The following ZNF449 variants were observed in gnomAD, a reference collection of about 807,000 sequenced individuals.
ZNF449 encodes the protein zinc finger protein 449.
A neutral mutation model predicts 32.6 loss-of-function variants in ZNF449; 4 were observed. The observed-to-expected ratio is 0.12, with a 90% confidence interval of 0.06 to 0.28. The LOEUF is 0.28. Ranked by LOEUF, ZNF449 falls within the 10% of genes least tolerant of loss-of-function variation. The pLI is 1.00. For missense variants in ZNF449, 275 were observed against 383.2 expected, an observed-to-expected ratio of 0.72 and a Z score of 2.36; for synonymous variants, 123 against 132.2, an observed-to-expected ratio of 0.93 and a Z score of 0.48.
At chrX:135,347,834 T>A (rs1556448962) in intron 2 of ZNF449, 1 of 407,282 alleles carries the variant, frequency 2.5e-6, no homozygotes, top group Non-Finnish European at 4.1e-6. Context: ...ATGGTTTTTT[T>A]ATCTTGTTGA....
intron 3 of ZNF449, among the ~76,000 whole-genome samples, chrX:135,350,036 C>T (rs1234762894): frequency 1.6e-4 from 17 of 105,688 alleles, no homozygotes; most frequent in Non-Finnish European, 2.9e-4. Flanking sequence ...GACGGGAGTC[C>T]TGCTCTGTCG....
chrX:135,353,460 A>T (rs1484031330), intron 3 of ZNF449, among the ~76,000 whole-genome samples: 4 of 111,380 alleles, frequency 3.6e-5, no homozygotes, highest in Non-Finnish European at 7.6e-5. Flanking sequence ...TCCTAAGTAA[A>T]ATTTCTTCAC....
At chrX:135,346,609 G>A (rs1256806260) in intron 1 of ZNF449, among the ~76,000 whole-genome samples, 1 of 112,045 alleles carries the variant, frequency 8.9e-6, no homozygotes, top group Non-Finnish European at 1.9e-5. Context: ...CTTAGCCTGG[G>A]ACCATGGAAT....
intron 3 of ZNF449, among the ~76,000 whole-genome samples, chrX:135,354,713 C>T (rs1215931638): frequency 9.0e-6 from 1 of 111,432 alleles, no homozygotes; most frequent in Non-Finnish European, 1.9e-5. Context: ...AGCAAAAGTA[C>T]TCAAACCTCT....
At chrX:135,350,644 C>A (rs2084880869) in intron 3 of ZNF449, among the ~76,000 whole-genome samples, 1 of 111,980 alleles carries the variant, frequency 8.9e-6, no homozygotes, top group Non-Finnish European at 1.9e-5. Flanking sequence ...TTCAGTAGCA[C>A]ACAAGGTTGG....
chrX:135,349,268 G>A lies in ZNF449; in HGVS notation c.513G>A (p.Glu171=), dbSNP rs2084870217. The change falls in exon 3 of 5, where the codon GAG becomes GAA. Residue 171 remains glutamate (E), a synonymous_variant. Transcript: ENST00000339249. ...GGATCCCACAGGCAGGGCCACCGGA[G>A]CTGAACTATGGTGCTACTGGAGAAT... is the stretch of plus-strand genomic sequence containing the variant. The part of the protein sequence containing the change: ...EAWIPQAGPP[E]LNYGATGECQ... 1 of 1,210,124 alleles carries A rather than the reference G, an allele frequency of 8.3e-7. No homozygotes were observed. The highest frequency in any genetic ancestry group is 2.2e-5 in the Admixed American group (1 of 45,820).
chrX:135,346,954 C>T, intron 1 of ZNF449, 65 bp from the exon 2 acceptor site: 1 of 390,547 alleles, frequency 2.6e-6, no homozygotes, highest in Non-Finnish European at 4.3e-6. Flanking sequence ...AAGAAGTTGA[C>T]CGAGGTAAGT....
In ZNF449 at chrX:135,360,568, C is replaced by T; in HGVS notation, c.1049C>T (p.Pro350Leu). 8.3e-7 allele frequency: 1 copy of T among 1,211,729 alleles called. No individual in the cohort carries two copies. ...GHQRIHSGEE[P>L]HKCPECGKRF... Reference sequence around the variant, plus strand: ...CAGAGAATTCATTCAGGAGAAGAACCTCACAAATGCCCTGAATGTGGGAAA... The same window carrying T: ...CAGAGAATTCATTCAGGAGAAGAACTTCACAAATGCCCTGAATGTGGGAAA... Residue 350 changes from proline to leucine, a missense_variant, in exon 5 of 5, where the codon CCT (proline) becomes CTT (leucine). Around this residue, in one of 3 missense-constraint regions of ZNF449, gnomAD observed 80 missense variants for 146.6 expected, o/e 0.55. Transcript: ENST00000339249.
chrX:135,351,795 G>A (rs1324073886), intron 3 of ZNF449, among the ~76,000 whole-genome samples: 1 of 109,667 alleles, frequency 9.1e-6, no homozygotes, highest in African/African-American at 3.3e-5. Flanking sequence ...ATGTTAATTC[G>A]CTCCTTTTGT....
At position 135,362,627 on chromosome X, in the gene ZNF449, T is replaced by G. The variant is rs1411333462; in HGVS notation, c.*1551T>G. ...CTTTATGAAGATGTTCAGTCATCCT[T>G]TCCTTGAACTACAATTAGGAAAAGT... On this transcript the variant is annotated 3_prime_UTR_variant, in exon 5 of 5. Coordinates refer to ENST00000339249, the MANE Select transcript of ZNF449 (RefSeq NM_152695.6). 1 of 112,205 alleles carries G rather than the reference T, an allele frequency of 8.9e-6. No homozygotes were observed. Among genetic ancestry groups the G allele is most frequent in the East Asian group, 2.8e-4 (1 of 3,587 alleles). The allele number at this position is 112,205 out of a possible 1,213,427, so 9.2% of individuals were successfully genotyped here. A position where few individuals can be genotyped will look rare whatever the true frequency, so the allele number is the denominator to read the frequency against.
chrX:135,348,983 C>T (rs1467893644), intron 2 of ZNF449, 127 bp from the exon 3 acceptor site: 19 of 978,701 alleles, frequency 1.9e-5, no homozygotes, highest in Non-Finnish European at 2.5e-5. Context: ...TAAGATTGGC[C>T]TTACTTTTTA....
At chrX:135,353,285 G>A (rs1233578865) in intron 3 of ZNF449, among the ~76,000 whole-genome samples, 1 of 111,293 alleles carries the variant, frequency 9.0e-6, no homozygotes, top group Admixed American at 9.5e-5. Flanking sequence ...GAGTCACTAA[G>A]TCCAACCCAC....
At chrX:135,351,127 G>A (rs2084884300) in intron 3 of ZNF449, among the ~76,000 whole-genome samples, 1 of 111,292 alleles carries the variant, frequency 9.0e-6, no homozygotes. Context: ...AGGTTCTCCA[G>A]TACCAGAATG....
chrX:135,351,602 G>A (rs2148504388), intron 3 of ZNF449, among the ~76,000 whole-genome samples: 1 of 92,542 alleles, frequency 1.1e-5, no homozygotes, highest in Non-Finnish European at 2.0e-5. Flanking sequence ...ACTATATATT[G>A]CCATTTATGT....
At chrX:135,350,036 C>A (rs1234762894) in intron 3 of ZNF449, among the ~76,000 whole-genome samples, 3 of 105,689 alleles carry the variant, frequency 2.8e-5, no homozygotes, top group Non-Finnish European at 5.8e-5. Context: ...GACGGGAGTC[C>A]TGCTCTGTCG....
chrX:135,359,117 A>G (rs782267652), intron 3 of ZNF449, among the ~76,000 whole-genome samples: 6 of 111,479 alleles, frequency 5.4e-5, no homozygotes, highest in Non-Finnish European at 7.6e-5. Flanking sequence ...TTAGATATCA[A>G]ATTAGTAATT....
rs182315679 is a variant in ZNF449, at chrX:135,351,593, C to T, written c.559+2279C>T. Among the ~76,000 whole-genome samples the T allele has an allele frequency of 8.7e-5, 8 of 92,421 alleles. No individual in the cohort carries two copies. In the East Asian group the frequency reaches 3.0e-3, roughly 34 times the overall value. 80.3% of individuals were successfully genotyped at this position (92,421 alleles called of 115,157 possible). On this transcript the variant is annotated intron_variant, in intron 3 of 4. Coordinates refer to ENST00000339249, the MANE Select transcript of ZNF449 (RefSeq NM_152695.6). ...TATGCATATTGTGGTCAAAGCAGAACTATATATTGCCATTTATGTTCCAAG... is the reference window on the plus strand; with the variant it reads ...TATGCATATTGTGGTCAAAGCAGAATTATATATTGCCATTTATGTTCCAAG...
chrX:135,345,072 AGGCGTCGG>A (rs1381793238), intron 1 of ZNF449, among the ~76,000 whole-genome samples: 2 of 113,061 alleles, frequency 1.8e-5, no homozygotes, highest in Admixed American at 1.8e-4. Flanking sequence ...GCTCCCCTCC[AGGCGTCGG>A]GGCCTCGTCG....
intron 3 of ZNF449, among the ~76,000 whole-genome samples, chrX:135,355,253 T>C (rs2084910963): frequency 9.0e-6 from 1 of 111,040 alleles, no homozygotes; most frequent in African/African-American, 3.3e-5. Context: ...ATGAAATATT[T>C]TAATACATTG....
Sources: gnomAD v4.1 joint callset for allele counts (sites outside exome capture counted in the v4.1 genomes callset) on GRCh38, gnomAD v4.1.1 for gene constraint, gnomAD v4.1.1 regional missense constraint, MANE v1.5 for transcripts, NCBI Gene and HGNC (gene_info 2026-07-23, HGNC 2026-07-21) for gene names.